The following DOK6 variants were observed in gnomAD, a reference collection of about 807,000 sequenced individuals.
DOK6 encodes the protein docking protein 6.
In DOK6, 22 loss-of-function variants were observed where a neutral mutation model predicts 44.0. The ratio of observed to expected loss-of-function variants is 0.50; its 90% CI spans 0.36 to 0.71. The LOEUF is 0.71. DOK6 is among the 30% of genes least tolerant of loss of function. DOK6 has a pLI of 0.00. For synonymous variants in DOK6, 166 were observed against 145.5 expected, an observed-to-expected ratio of 1.14 and a Z score of -1.01; for missense variants, 340 against 416.4, an observed-to-expected ratio of 0.82 and a Z score of 1.60.
intron 4 of DOK6, among the ~76,000 whole-genome samples, chr18:69,688,606 T>A (rs1261389013): frequency 6.6e-6 from 1 of 152,194 alleles, no homozygotes; most frequent in East Asian, 1.9e-4. Flanking sequence ...CACTGCAACC[T>A]CCGCCTCCTG....
intron 2 of DOK6, among the ~76,000 whole-genome samples, chr18:69,570,389 C>CAA (rs199727213): frequency 6.6e-6 from 1 of 151,510 alleles, no homozygotes; most frequent in Admixed American, 6.6e-5. Context: ...ACAGCAACAA[C>CAA]AAAAAATCAC....
At chr18:69,617,471 G>T (rs1480616011) in intron 3 of DOK6, among the ~76,000 whole-genome samples, 1 of 137,960 alleles carries the variant, frequency 7.2e-6, no homozygotes, top group Non-Finnish European at 1.6e-5. Context: ...GAAGGAAAAA[G>T]ACAGCAATAG....
chr18:69,692,071 G>GA (rs2144697054), intron 4 of DOK6, among the ~76,000 whole-genome samples: 1 of 152,192 alleles, frequency 6.6e-6, no homozygotes, highest in African/African-American at 2.4e-5. Context: ...TCTTACCCTG[G>GA]AAAAGTCAAA....
At chr18:69,669,583 C>T (rs928425064) in intron 3 of DOK6, among the ~76,000 whole-genome samples, 3 of 152,250 alleles carry the variant, frequency 2.0e-5, no homozygotes, top group Admixed American at 2.0e-4. Flanking sequence ...GAAATCTCTT[C>T]CTTCGAACAT....
At chr18:69,832,175 A>T (rs1352669532) in intron 7 of DOK6, among the ~76,000 whole-genome samples, 5 of 152,158 alleles carry the variant, frequency 3.3e-5, no homozygotes, top group African/African-American at 9.7e-5. Flanking sequence ...GTTTGTAAAA[A>T]ATAGCCCTTA....
At chr18:69,811,574 A>C (rs1981237167) in intron 7 of DOK6, among the ~76,000 whole-genome samples, 1 of 14,734 alleles carries the variant, frequency 6.8e-5, no homozygotes, top group African/African-American at 1.2e-4. Context: ...ATATATATAT[A>C]TATCAAAACA....
chr18:69,807,777 C>G (rs1981097548), intron 7 of DOK6, among the ~76,000 whole-genome samples: 1 of 151,472 alleles, frequency 6.6e-6, no homozygotes, highest in African/African-American at 2.4e-5. Context: ...CAAATTGGAG[C>G]ACCTAAATAA....
chr18:69,535,505 C>A (rs1351302238), intron 1 of DOK6, among the ~76,000 whole-genome samples: 2 of 151,396 alleles, frequency 1.3e-5, no homozygotes, highest in Non-Finnish European at 2.9e-5. Context: ...CCTTTTCAAC[C>A]CCTAGATTTT....
At chr18:69,799,006 C>A (rs1436243024) in intron 7 of DOK6, among the ~76,000 whole-genome samples, 1 of 151,882 alleles carries the variant, frequency 6.6e-6, no homozygotes, top group South Asian at 2.1e-4. Flanking sequence ...AACTAAAAAT[C>A]GTTTTAGCAA....
At position 69,599,500 on chromosome 18, in the gene DOK6, T is replaced by C. The variant is rs540951119; in HGVS notation, c.289+2T>C. The C allele has an allele frequency of 6.2e-7, 1 of 1,612,314 alleles. No homozygotes were observed. The highest frequency in any genetic ancestry group is 2.2e-5 in the East Asian group (1 of 44,856). Reference sequence around the variant, plus strand: ...CGAAGACATTTGCCTGTGAGTCAGGTAAGCTATTATTGGCCATCTACCCCT... The same window carrying C: ...CGAAGACATTTGCCTGTGAGTCAGGCAAGCTATTATTGGCCATCTACCCCT... On this transcript the variant is annotated splice_donor_variant, in intron 3 of 7. Transcript: ENST00000382713. LOFTEE classifies it high-confidence loss of function.
intron 1 of DOK6, among the ~76,000 whole-genome samples, chr18:69,536,563 T>C (rs1982128075): frequency 6.6e-6 from 1 of 152,160 alleles, no homozygotes; most frequent in East Asian, 1.9e-4. Flanking sequence ...TTATTTCTGG[T>C]TGACAAAATG....
intron 1 of DOK6, among the ~76,000 whole-genome samples, chr18:69,416,675 C>G (rs17080918): frequency 0.054 from 8,145 of 152,178 alleles, 252 homozygotes; most frequent in Middle Eastern, 0.12. Context: ...ACCTATCATC[C>G]TCATCCTGGA....
At chr18:69,647,834 G>A (rs915742460) in intron 3 of DOK6, among the ~76,000 whole-genome samples, 1 of 152,162 alleles carries the variant, frequency 6.6e-6, no homozygotes, top group African/African-American at 2.4e-5. Context: ...AGAAGAAGTG[G>A]TGATGTAGCA....
In DOK6 at chr18:69,702,134, G is replaced by GTTT. The variant is rs34123199; in HGVS notation, c.599+3559_599+3561dup. On this transcript the variant is annotated intron_variant, in intron 5 of 7. Coordinates refer to ENST00000382713, the MANE Select transcript of DOK6 (RefSeq NM_152721.6). ...GAGTTATCAATGCCCTTCTGGGTTGGTTTTTTTTTTTTTTTTTTTTAAATA... is the reference window on the plus strand; with the variant it reads ...GAGTTATCAATGCCCTTCTGGGTTGGTTTTTTTTTTTTTTTTTTTTTTTAAATA... 9.3e-4 allele frequency among the ~76,000 whole-genome samples: 117 copies of GTTT among 126,346 alleles called. No homozygotes were observed. The South Asian group carries it at 0.014, about 15-fold the overall frequency. 82.9% of individuals were successfully genotyped at this position (126,346 alleles called of 152,430 possible).
intron 1 of DOK6, among the ~76,000 whole-genome samples, chr18:69,474,855 T>C (rs1980217431): frequency 6.6e-6 from 1 of 152,204 alleles, no homozygotes; most frequent in South Asian, 2.1e-4. Flanking sequence ...TCCTGCAGCC[T>C]GTGATTTTAA....
At chr18:69,677,651 C>A in intron 3 of DOK6, 83 bp from the exon 4 acceptor site, 2 of 1,597,416 alleles carry the variant, frequency 1.3e-6, no homozygotes, top group Non-Finnish European at 8.5e-7. Context: ...TGCCAGTTAC[C>A]TGGGAAAACA....
chr18:69,789,056 T>A (rs998987902), intron 7 of DOK6, among the ~76,000 whole-genome samples: 1 of 152,204 alleles, frequency 6.6e-6, no homozygotes, highest in Non-Finnish European at 1.5e-5. Context: ...GATGTTTTGT[T>A]ATTACTTTTT....
chr18:69,810,228 C>T (rs1037848203), intron 7 of DOK6, among the ~76,000 whole-genome samples: 2 of 151,540 alleles, frequency 1.3e-5, no homozygotes, highest in African/African-American at 4.8e-5. Context: ...ACAGTTTCTT[C>T]AATAAATGGT....
Position 69,512,107 on chromosome 18 carries a change from A to G in DOK6, c.67-52380A>G, listed in dbSNP as rs543656568. Among the ~76,000 whole-genome samples, 227 of 124,866 alleles carry G rather than the reference A, an allele frequency of 1.8e-3. 1 individual carries two copies. Among genetic ancestry groups the G allele is most frequent in the African/African-American group, 6.5e-3 (216 of 33,082 alleles). 81.9% of individuals were successfully genotyped at this position (124,866 alleles called of 152,430 possible). A position where few individuals can be genotyped will look rare whatever the true frequency, so the allele number is the denominator to read the frequency against. Reference sequence around the variant, plus strand: ...CCCCACACGCACCCCCCCACACACAATCTTTAGGTTTAAAATATATTTTAT... The same window carrying G: ...CCCCACACGCACCCCCCCACACACAGTCTTTAGGTTTAAAATATATTTTAT... On this transcript the variant is annotated intron_variant, in intron 1 of 7. Transcript: ENST00000382713.
Sources: allele counts gnomAD v4.1 joint callset (sites outside exome capture counted in the v4.1 genomes callset), GRCh38; gene constraint gnomAD v4.1.1; transcripts MANE v1.5; gene names NCBI Gene and HGNC (gene_info 2026-07-23, HGNC 2026-07-21).